MAPRE2: variants seen among roughly 807,000 people sequenced by gnomAD.
MAPRE2 encodes microtubule associated protein RP/EB family member 2, also known as microtubule-associated protein RP/EB family member 2.
A neutral mutation model predicts 43.2 loss-of-function variants in MAPRE2; 13 were observed. That is an observed-to-expected ratio of 0.30 (90% CI 0.20 to 0.48). The LOEUF is 0.48. MAPRE2 is among the 20% of genes least tolerant of loss of function. The pLI, the probability that MAPRE2 is intolerant of heterozygous loss-of-function variation, is 0.99. For missense variants in MAPRE2, 161 were observed against 400.2 expected, an observed-to-expected ratio of 0.40 and a Z score of 5.10; for synonymous variants, 135 against 148.8, an observed-to-expected ratio of 0.91 and a Z score of 0.68.
chr18:35,028,364 A>T (rs1019533634), intron 2 of MAPRE2, among the ~76,000 whole-genome samples: 1 of 152,224 alleles, frequency 6.6e-6, no homozygotes, highest in African/African-American at 2.4e-5. Context: ...CACAACTTGT[A>T]AGCACTTGGA....
chr18:35,097,705 A>C, intron 3 of MAPRE2, 114 bp downstream of exon 3: 1 of 877,606 alleles, frequency 1.1e-6, no homozygotes, highest in Non-Finnish European at 1.7e-6. Context: ...TCCCAACAGT[A>C]GGCTGGGGTC....
chr18:35,055,537 C>CTCTGTGTG (rs1555914066), intron 1 of MAPRE2, among the ~76,000 whole-genome samples: 101 of 146,694 alleles, frequency 6.9e-4, no homozygotes, highest in African/African-American at 2.5e-3. Flanking sequence ...ATTCAGTTCT[C>CTCTGTGTG]TGTGTGTGTG....
intron 6 of MAPRE2, among the ~76,000 whole-genome samples, chr18:35,134,907 C>A (rs9960410): frequency 0.063 from 9,593 of 152,146 alleles, 1,015 homozygotes; most frequent in African/African-American, 0.22. Context: ...CATCAAATAG[C>A]TTTAAGGGAA....
At chr18:35,042,057 G>A (rs540109738) in intron 1 of MAPRE2, among the ~76,000 whole-genome samples, 68 of 152,312 alleles carry the variant, frequency 4.5e-4, no homozygotes, top group African/African-American at 1.6e-3. Context: ...AGGGTGGGGA[G>A]AAAAACGTTT....
chr18:35,104,798 A>G (rs1196878509), intron 4 of MAPRE2, among the ~76,000 whole-genome samples: 1 of 152,068 alleles, frequency 6.6e-6, no homozygotes. Context: ...TGCCCTCTCC[A>G]AAGTCTGGGA....
At chr18:35,076,379 T>G (rs1233413247) in intron 2 of MAPRE2, among the ~76,000 whole-genome samples, 1 of 152,016 alleles carries the variant, frequency 6.6e-6, no homozygotes, top group Non-Finnish European at 1.5e-5. Flanking sequence ...TGAAGGGAGG[T>G]AGGGACATAG....
chr18:35,094,007 T>C (rs1170964560), intron 2 of MAPRE2, among the ~76,000 whole-genome samples: 1 of 152,188 alleles, frequency 6.6e-6, no homozygotes, highest in African/African-American at 2.4e-5. Context: ...TAGCATTATT[T>C]ATAATTGAGA....
At chr18:35,132,684 T>C (rs1910211279) in intron 6 of MAPRE2, among the ~76,000 whole-genome samples, 1 of 152,190 alleles carries the variant, frequency 6.6e-6, no homozygotes, top group Admixed American at 6.5e-5. Context: ...GCCCATCTCC[T>C]TTATGGGGAG....
chr18:35,098,502 A>G (rs1264420947), intron 3 of MAPRE2, among the ~76,000 whole-genome samples: 1 of 152,220 alleles, frequency 6.6e-6, no homozygotes, highest in Non-Finnish European at 1.5e-5. Context: ...TGACATTCTT[A>G]TCAATATATT....
At chr18:35,017,869 G>C (rs1263815867) in intron 2 of MAPRE2, among the ~76,000 whole-genome samples, 1 of 151,498 alleles carries the variant, frequency 6.6e-6, no homozygotes, top group African/African-American at 2.4e-5. Flanking sequence ...TGTTAAATAG[G>C]AGGGATGAGA....
chr18:35,022,934 A>G (rs1247149896), intron 2 of MAPRE2, among the ~76,000 whole-genome samples: 1 of 152,220 alleles, frequency 6.6e-6, no homozygotes, highest in African/African-American at 2.4e-5. Flanking sequence ...TATTACCAAT[A>G]AAATTCAGAG....
chr18:35,016,565 A>G (rs1302506761), intron 2 of MAPRE2, among the ~76,000 whole-genome samples: 1 of 151,972 alleles, frequency 6.6e-6, no homozygotes, highest in African/African-American at 2.4e-5. Flanking sequence ...AGTGATGTGG[A>G]GCATTTTTCA....
intron 1 of MAPRE2, among the ~76,000 whole-genome samples, chr18:35,050,537 A>G (rs1479927346): frequency 6.6e-6 from 1 of 152,206 alleles, no homozygotes; most frequent in Non-Finnish European, 1.5e-5. Flanking sequence ...CCTGTTTAGT[A>G]TGCTCTGTGA....
chr18:35,011,396 G>C (rs2097034577), intron 2 of MAPRE2, among the ~76,000 whole-genome samples: 1 of 152,186 alleles, frequency 6.6e-6, no homozygotes, highest in African/African-American at 2.4e-5. Context: ...GAAGCATTTG[G>C]CATATTAATG....
intron 6 of MAPRE2, among the ~76,000 whole-genome samples, chr18:35,138,628 A>C (rs1407643326): frequency 1.3e-5 from 2 of 152,196 alleles, no homozygotes; most frequent in East Asian, 3.8e-4. Context: ...TCTTCTAGGC[A>C]CTTTTCCTAT....
At chr18:35,131,802 T>C (rs989786591) in intron 5 of MAPRE2, 4 of 518,584 alleles carry the variant, frequency 7.7e-6, no homozygotes, top group Non-Finnish European at 1.0e-5. Flanking sequence ...CCCTGGTTAA[T>C]AAACGCTCAG....
intron 1 of MAPRE2, among the ~76,000 whole-genome samples, chr18:34,989,651 C>T (rs1252010487): frequency 2.6e-5 from 4 of 151,904 alleles, no homozygotes; most frequent in Admixed American, 2.6e-4. Context: ...TTCAAGGCAG[C>T]AGGGAGCTAT....
intron 1 of MAPRE2, among the ~76,000 whole-genome samples, chr18:35,045,103 C>T (rs1016988554): frequency 9.2e-5 from 14 of 152,170 alleles, no homozygotes; most frequent in Non-Finnish European, 1.3e-4. Flanking sequence ...TGTGTGATTT[C>T]CTTCTCAGCC....
At chr18:34,988,617 G>A (rs958662539) in intron 1 of MAPRE2, 1 of 152,186 alleles carries the variant, frequency 6.6e-6, no homozygotes, top group Non-Finnish European at 1.5e-5. Context: ...ATTATAGGAT[G>A]TGGTTTCCTG....
Sources: allele counts gnomAD v4.1 joint callset (sites outside exome capture counted in the v4.1 genomes callset), GRCh38; gene constraint gnomAD v4.1.1; transcripts MANE v1.5; gene names NCBI Gene and HGNC (gene_info 2026-07-23, HGNC 2026-07-21).